The following BICC1 variants were observed in gnomAD, a reference collection of about 807,000 sequenced individuals.
BICC1 encodes the protein BicC family RNA binding protein 1.
In BICC1, 43 loss-of-function variants were observed where a neutral mutation model predicts 111.0. That is an observed-to-expected ratio of 0.39 (90% confidence interval 0.30 to 0.50). The LOEUF (loss-of-function observed/expected upper bound fraction) is 0.50, where lower values mean the gene tolerates loss of function less well. Among genes scored for constraint, BICC1 ranks in the 20% least tolerant of loss-of-function variants. The pLI is 0.88. For synonymous variants in BICC1, 467 were observed against 434.4 expected (o/e 1.07, Z -0.93); for missense variants, 1,091 against 1,203.2 (o/e 0.91, Z 1.38).
intron 2 of BICC1, among the ~76,000 whole-genome samples, chr10:58,687,121 G>T (rs960139631): frequency 6.6e-6 from 1 of 152,208 alleles, no homozygotes; most frequent in South Asian, 2.1e-4. Context: ...AGGTCTGTTG[G>T]ATTTTGCCGG....
chr10:58,803,983 C>T (rs781661711), intron 15 of BICC1, among the ~76,000 whole-genome samples: 1 of 152,136 alleles, frequency 6.6e-6, no homozygotes, highest in Non-Finnish European at 1.5e-5. Context: ...TTTTATCTTT[C>T]ACCACCAAAA....
Position 58,829,191 on chromosome 10 carries a change from A to ATTTTTTTTTTTTTTTTT in BICC1, c.*315_*331dup, listed in dbSNP as rs71006209. 1 of 42,410 alleles carries ATTTTTTTTTTTTTTTTT rather than the reference A, an allele frequency of 2.4e-5. No homozygotes were observed. The highest frequency in any genetic ancestry group is 1.2e-4 in the African/African-American group (1 of 8,136). 2.6% of individuals were successfully genotyped at this position (42,410 alleles called of 1,614,324 possible). A position where few individuals can be genotyped will look rare whatever the true frequency, so the allele number is the denominator to read the frequency against. ...TACCTATATAACATATGCACTGATG[A>ATTTTTTTTTTTTTTTTT]TTTTTTTTTTTTTTTTTTTTTTTTT... On this transcript the variant is annotated 3_prime_UTR_variant, in exon 21 of 21. Coordinates refer to ENST00000373886, the MANE Select transcript of BICC1 (RefSeq NM_001080512.3).
At chr10:58,754,209 G>A (rs913984676) in intron 3 of BICC1, among the ~76,000 whole-genome samples, 1 of 152,148 alleles carries the variant, frequency 6.6e-6, no homozygotes, top group African/African-American at 2.4e-5. Context: ...TCTGTATAAT[G>A]TTGCCTTTTT....
At chr10:58,704,882 T>C (rs1368275144) in intron 3 of BICC1, among the ~76,000 whole-genome samples, 1 of 152,234 alleles carries the variant, frequency 6.6e-6, no homozygotes, top group African/African-American at 2.4e-5. Context: ...CAAACATTTT[T>C]CGTGGTCGCT....
intron 3 of BICC1, among the ~76,000 whole-genome samples, chr10:58,708,926 C>T (rs1840486223): frequency 6.6e-6 from 1 of 152,112 alleles, no homozygotes; most frequent in Non-Finnish European, 1.5e-5. Context: ...GGCTACTTTT[C>T]CTTAAAAGGA....
At chr10:58,515,382 A>G (rs1242325557) in intron 1 of BICC1, among the ~76,000 whole-genome samples, 2 of 152,184 alleles carry the variant, frequency 1.3e-5, no homozygotes, top group African/African-American at 4.8e-5. Context: ...TGCTACACCT[A>G]CTACCTAAGC....
chr10:58,704,885 T>C (rs1840344910), intron 3 of BICC1, among the ~76,000 whole-genome samples: 1 of 152,232 alleles, frequency 6.6e-6, no homozygotes, highest in Admixed American at 6.5e-5. Flanking sequence ...ACATTTTTCG[T>C]GGTCGCTGTT....
intron 1 of BICC1, among the ~76,000 whole-genome samples, chr10:58,570,662 T>C (rs1658429): frequency 0.46 from 69,920 of 152,004 alleles, 17,099 homozygotes; most frequent in Admixed American, 0.62. Context: ...CATAATATAT[T>C]TGAGTCAGCA....
intron 1 of BICC1, among the ~76,000 whole-genome samples, chr10:58,525,493 A>G (rs1186223188): frequency 2.3e-5 from 3 of 131,686 alleles, no homozygotes; most frequent in African/African-American, 8.2e-5. Flanking sequence ...GTTCTCACTC[A>G]TAGGTGGGAA....
chr10:58,727,908 T>C (rs1019746986), intron 3 of BICC1, among the ~76,000 whole-genome samples: 2 of 152,244 alleles, frequency 1.3e-5, no homozygotes, highest in African/African-American at 4.8e-5. Flanking sequence ...TACATGGTAG[T>C]TGATTAAGTG....
At chr10:58,630,307 A>G (rs1196116116) in intron 2 of BICC1, among the ~76,000 whole-genome samples, 1 of 152,068 alleles carries the variant, frequency 6.6e-6, no homozygotes, top group African/African-American at 2.4e-5. Flanking sequence ...AGTGGTGAAG[A>G]CCCATCCACG....
intron 1 of BICC1, among the ~76,000 whole-genome samples, chr10:58,534,120 T>C (rs988920605): frequency 6.6e-6 from 1 of 151,664 alleles, no homozygotes; most frequent in African/African-American, 2.4e-5. Flanking sequence ...AGATCAGAGG[T>C]GTTCATGTTT....
chr10:58,715,404 TAC>T, intron 3 of BICC1: 1 of 590,096 alleles, frequency 1.7e-6, no homozygotes, highest in Admixed American at 2.8e-5. Flanking sequence ...GGGCTTATTC[TAC>T]ACACACATTT....
chr10:58,788,471 G>C, intron 6 of BICC1, 48 bp downstream of exon 6: 2 of 1,217,734 alleles, frequency 1.6e-6, no homozygotes, highest in Non-Finnish European at 2.4e-6. Flanking sequence ...AGCAACATTT[G>C]CATTATAAGG....
chr10:58,734,238 C>T (rs924184010), intron 3 of BICC1, among the ~76,000 whole-genome samples: 1 of 152,166 alleles, frequency 6.6e-6, no homozygotes, highest in Non-Finnish European at 1.5e-5. Flanking sequence ...ACTGTTTCTA[C>T]CCAGATGCCA....
intron 6 of BICC1, among the ~76,000 whole-genome samples, chr10:58,788,831 A>G (rs1843088760): frequency 6.6e-6 from 1 of 152,222 alleles, no homozygotes; most frequent in African/African-American, 2.4e-5. Flanking sequence ...CACACCTGTA[A>G]TCCCAGCACT....
chr10:58,799,887 A>C (rs1461969248), intron 12 of BICC1, among the ~76,000 whole-genome samples: 1 of 151,986 alleles, frequency 6.6e-6, no homozygotes, highest in Non-Finnish European at 1.5e-5. Flanking sequence ...TTCTGGGAAA[A>C]ATTATGTTTG....
Position 58,540,804 on chromosome 10 carries a change from C to G in BICC1, c.190+27471C>G, listed in dbSNP as rs530822880. Among the ~76,000 whole-genome samples, 24 of 152,130 alleles carry G rather than the reference C, an allele frequency of 1.6e-4. 1 individual carries two copies. The highest frequency in any genetic ancestry group is 5.3e-4 in the African/African-American group (22 of 41,540). ...ACCAAAACCAGGATATGCAAAAATC[C>G]TCAACAAAATTTTAGCAAACTGAAT... On this transcript the variant is annotated intron_variant, in intron 1 of 20. Coordinates refer to ENST00000373886, the MANE Select transcript of BICC1 (RefSeq NM_001080512.3).
At chr10:58,594,248 G>A (rs1357610274) in intron 1 of BICC1, among the ~76,000 whole-genome samples, 2 of 152,150 alleles carry the variant, frequency 1.3e-5, no homozygotes, top group African/African-American at 4.8e-5. Flanking sequence ...ATCTACATTT[G>A]ATTGGTGTAC....
Sources: allele counts gnomAD v4.1 joint callset (sites outside exome capture counted in the v4.1 genomes callset), GRCh38; gene constraint gnomAD v4.1.1; transcripts MANE v1.5; gene names NCBI Gene and HGNC (gene_info 2026-07-23, HGNC 2026-07-21).